Variants in KLHL1 observed in about 807,000 individuals in gnomAD.
The protein encoded by KLHL1 is kelch like family member 1.
Under a neutral mutation model 77.7 loss-of-function variants are expected in KLHL1, and 47 were observed. The observed-to-expected ratio is 0.60, with a 90% CI of 0.48 to 0.77. The LOEUF is 0.77. Ranked by LOEUF, KLHL1 falls within the 30% of genes least tolerant of loss-of-function variation. KLHL1 has a pLI of 0.00. For synonymous variants in KLHL1, 360 were observed against 325.2 expected, an observed-to-expected ratio of 1.11 and a Z score of -1.15; for missense variants, 925 against 910.8, an observed-to-expected ratio of 1.02 and a Z score of -0.20.
At chr13:69,951,843 TA>T (rs749320274) in intron 3 of KLHL1, among the ~76,000 whole-genome samples, 1 of 151,450 alleles carries the variant, frequency 6.6e-6, no homozygotes, top group Non-Finnish European at 1.5e-5. Context: ...AATCCATATT[TA>T]AAATCAATAT....
intron 1 of KLHL1, among the ~76,000 whole-genome samples, chr13:70,071,153 C>T (rs1887129036): frequency 1.3e-5 from 2 of 151,814 alleles, no homozygotes; most frequent in Non-Finnish European, 2.9e-5. Flanking sequence ...AAAATAAATC[C>T]ATTTTAAGTA....
intron 3 of KLHL1, among the ~76,000 whole-genome samples, chr13:69,954,123 G>C (rs985289112): frequency 1.3e-5 from 2 of 151,218 alleles, no homozygotes; most frequent in Admixed American, 1.3e-4. Context: ...GCAAGAAATA[G>C]GTGCATGCCA....
chr13:69,893,363 T>C (rs995299734), intron 4 of KLHL1, among the ~76,000 whole-genome samples: 1 of 151,272 alleles, frequency 6.6e-6, no homozygotes, highest in East Asian at 1.9e-4. Context: ...GCCTCCCGAG[T>C]AGCTGGGACT....
chr13:70,019,652 G>A (rs1179875698), intron 1 of KLHL1, among the ~76,000 whole-genome samples: 2 of 152,102 alleles, frequency 1.3e-5, no homozygotes, highest in Non-Finnish European at 2.9e-5. Flanking sequence ...ATGAAATTGA[G>A]CAAAAGAAAG....
Position 69,956,903 on chromosome 13 carries a change from T to A in KLHL1, c.817+4405A>T, listed in dbSNP as rs73512630. Among the ~76,000 whole-genome samples, 1,008 of 151,814 alleles carry A rather than the reference T, an allele frequency of 6.6e-3. 12 individuals are homozygous for A. The highest frequency in any genetic ancestry group is 0.024 in the African/African-American group (977 of 41,526). Reference sequence around the variant, plus strand: ...GCTTAGCATAGAAAACGTTCGTCTGTAAAATGTATAATGTTCAGGATGGAA... The same window carrying A: ...GCTTAGCATAGAAAACGTTCGTCTGAAAAATGTATAATGTTCAGGATGGAA... On this transcript the variant is annotated intron_variant, in intron 3 of 10. Transcript: ENST00000377844.
chr13:69,734,362 T>C (rs4304920), intron 8 of KLHL1, among the ~76,000 whole-genome samples: 31,259 of 152,068 alleles, frequency 0.21, 3,330 homozygotes, highest in South Asian at 0.29. Context: ...GACAGCCAAG[T>C]AAAGCTTTTT....
intron 7 of KLHL1, among the ~76,000 whole-genome samples, chr13:69,791,836 A>T (rs904579338): frequency 2.0e-5 from 3 of 152,176 alleles, no homozygotes; most frequent in Non-Finnish European, 4.4e-5. Flanking sequence ...TTAAAAAGAC[A>T]ACACAGGCAT....
At chr13:70,062,696 A>G (rs150224917) in intron 1 of KLHL1, among the ~76,000 whole-genome samples, 359 of 152,198 alleles carry the variant, frequency 2.4e-3, no homozygotes, top group Admixed American at 4.5e-3. Context: ...ATATAATCAG[A>G]CTTTTATCTG....
In KLHL1 at chr13:69,903,313, T is replaced by C. The variant is rs73508500; in HGVS notation, c.1015-20818A>G. Among the ~76,000 whole-genome samples the C allele has an allele frequency of 8.1e-3, 1,235 of 152,260 alleles. 22 individuals are homozygous for C. The highest frequency in any genetic ancestry group is 0.028 in the African/African-American group (1,179 of 41,548). ...TTGAAAGAAATATCTCACAGAGATTTCTGGTTCGAGGCTTGGAAACCAACC... is the reference window on the plus strand; with the variant it reads ...TTGAAAGAAATATCTCACAGAGATTCCTGGTTCGAGGCTTGGAAACCAACC... On this transcript the variant is annotated intron_variant, in intron 4 of 10. Transcript: ENST00000377844.
chr13:69,781,902 A>C (rs937072700), intron 7 of KLHL1, among the ~76,000 whole-genome samples: 19 of 130,760 alleles, frequency 1.5e-4, no homozygotes, highest in African/African-American at 5.2e-4. Flanking sequence ...CTATTTTCCC[A>C]TAATTTAATA....
intron 1 of KLHL1, among the ~76,000 whole-genome samples, chr13:70,100,057 C>T (rs930667529): frequency 2.0e-5 from 3 of 151,788 alleles, no homozygotes; most frequent in African/African-American, 4.8e-5. Context: ...TTAGAATAAA[C>T]TCATCAATTT....
At chr13:69,864,138 CG>C (rs1283612933) in intron 5 of KLHL1, among the ~76,000 whole-genome samples, 1 of 151,448 alleles carries the variant, frequency 6.6e-6, no homozygotes, top group Admixed American at 6.6e-5. Flanking sequence ...TCTCTTACTC[CG>C]GGGACTTTTA....
At chr13:69,853,050 A>T (rs1035388155) in intron 5 of KLHL1, among the ~76,000 whole-genome samples, 2 of 151,980 alleles carry the variant, frequency 1.3e-5, no homozygotes, top group African/African-American at 4.8e-5. Flanking sequence ...AAGCCGCAGT[A>T]TATTAGGCTG....
At chr13:69,826,093 C>G (rs1194427880) in intron 6 of KLHL1, among the ~76,000 whole-genome samples, 4 of 152,228 alleles carry the variant, frequency 2.6e-5, no homozygotes, top group Non-Finnish European at 5.9e-5. Flanking sequence ...ACAGAATGAT[C>G]TCACTTTTGC....
chr13:70,104,354 T>G (rs917476665), intron 1 of KLHL1, among the ~76,000 whole-genome samples: 1 of 152,136 alleles, frequency 6.6e-6, no homozygotes, highest in Non-Finnish European at 1.5e-5. Flanking sequence ...GTTTTGGCCC[T>G]AAATTGGTTT....
chr13:69,910,769 T>C lies in KLHL1; in HGVS notation c.1015-28274A>G, dbSNP rs570772262. Among the ~76,000 whole-genome samples the C allele has an allele frequency of 3.3e-5, 5 of 151,928 alleles. No homozygotes were observed. In the East Asian group the frequency reaches 7.7e-4, roughly 23 times the overall value. ...TAAAATCATGACACTCATACAAATA[T>C]AAAATAGACATAAGTAAAATGGTTC... On this transcript the variant is annotated intron_variant, in intron 4 of 10. Transcript: ENST00000377844.
At chr13:69,867,900 T>C (rs962620045) in intron 5 of KLHL1, among the ~76,000 whole-genome samples, 2 of 151,158 alleles carry the variant, frequency 1.3e-5, no homozygotes, top group South Asian at 2.1e-4. Context: ...ATACCTAATG[T>C]TAAATAACGA....
intron 7 of KLHL1, among the ~76,000 whole-genome samples, chr13:69,778,859 T>G (rs1255746315): frequency 2.1e-5 from 3 of 143,314 alleles, no homozygotes; most frequent in Non-Finnish European, 4.5e-5. Flanking sequence ...AGTACAGTGG[T>G]GCAATCTTGG....
chr13:69,721,290 C>T lies in KLHL1; in HGVS notation c.1803-1709G>A, dbSNP rs539944591. On this transcript the variant is annotated intron_variant, in intron 8 of 10. Transcript: ENST00000377844. ...CCCATTTCGATTTGTTCCACCTTTC[C>T]GGAAGGAACCAATGTATATCTTACA... Among the ~76,000 whole-genome samples the T allele has an allele frequency of 1.3e-4, 19 of 148,614 alleles. 1 individual carries two copies. The highest frequency in any genetic ancestry group is 4.4e-4 in the South Asian group (2 of 4,592).
Sources: gnomAD v4.1 joint callset for allele counts (sites outside exome capture counted in the v4.1 genomes callset) on GRCh38, gnomAD v4.1.1 for gene constraint, MANE v1.5 for transcripts, NCBI Gene and HGNC (gene_info 2026-07-23, HGNC 2026-07-21) for gene names.